Variants in DOCK1 observed in about 807,000 individuals in gnomAD.
DOCK1 encodes the protein dedicator of cytokinesis 1, also known as dedicator of cytokinesis protein 1.
Under a neutral mutation model 262.7 loss-of-function variants are expected in DOCK1, and 138 were observed. The ratio of observed to expected loss-of-function variants is 0.53; its 90% CI spans 0.46 to 0.61. The LOEUF (loss-of-function observed/expected upper bound fraction) is 0.61, where lower values mean the gene tolerates loss of function less well. Ranked by LOEUF, DOCK1 falls within the 20% of genes least tolerant of loss-of-function variation. DOCK1 has a pLI of 0.00. For synonymous variants in DOCK1, 866 were observed against 867.4 expected (o/e 1.00, Z 0.03); for missense variants, 1,908 against 2,370.7 (o/e 0.80, Z 4.05).
chr10:127,115,668 A>G (rs1259992597), intron 25 of DOCK1, among the ~76,000 whole-genome samples: 1 of 152,248 alleles, frequency 6.6e-6, no homozygotes, highest in African/African-American at 2.4e-5. Context: ...AAATTGTGTA[A>G]CATTAATGTT....
intron 29 of DOCK1, among the ~76,000 whole-genome samples, chr10:127,312,839 CT>C (rs138011530): frequency 0.12 from 17,740 of 151,314 alleles, 1,427 homozygotes; most frequent in African/African-American, 0.22. Context: ...CTCTCCCTCC[CT>C]TCCACTGAAC....
chr10:126,999,935 A>G (rs2040469483), intron 9 of DOCK1, among the ~76,000 whole-genome samples: 1 of 152,186 alleles, frequency 6.6e-6, no homozygotes, highest in Non-Finnish European at 1.5e-5. Flanking sequence ...TCGGCCTTCC[A>G]AAGTGCTGGG....
At chr10:127,203,315 A>G (rs2057555826) in intron 27 of DOCK1, among the ~76,000 whole-genome samples, 1 of 152,198 alleles carries the variant, frequency 6.6e-6, no homozygotes, top group Non-Finnish European at 1.5e-5. Context: ...CATAGTGGAC[A>G]GGATATGTGT....
At chr10:127,447,945 T>C (rs2070695561) in intron 51 of DOCK1, among the ~76,000 whole-genome samples, 1 of 152,200 alleles carries the variant, frequency 6.6e-6, no homozygotes. Flanking sequence ...TTGGCCAATA[T>C]CGCCCTGTAT....
At position 127,439,024 on chromosome 10, in the gene DOCK1, T is replaced by C; in HGVS notation, c.5061-3T>C. On this transcript the variant is annotated splice_polypyrimidine_tract_variant and splice_region_variant and intron_variant, in intron 48 of 51. Transcript: ENST00000623213. ...ATTAAGACGTCATTGACCTTTCCTT[T>C]AGGTTTGCCCTGGAGCCTCTCCTGC... 6.5e-7 allele frequency: 1 copy of C among 1,549,084 alleles called. No individual in the cohort carries two copies. The highest frequency in any genetic ancestry group is 1.2e-5 in the South Asian group (1 of 83,500).
chr10:126,991,260 A>C (rs995462505), intron 6 of DOCK1, among the ~76,000 whole-genome samples: 2 of 152,162 alleles, frequency 1.3e-5, no homozygotes, highest in African/African-American at 4.8e-5. Flanking sequence ...TTGATGCTGA[A>C]AGCAAACAAG....
rs111420082 is a variant in DOCK1, at chr10:126,978,128, T to C, written c.171+140T>C. The C allele has an allele frequency of 3.7e-5, 30 of 811,930 alleles. No homozygotes were observed. The African/African-American group carries it at 3.9e-4, about 11-fold the overall frequency. The allele number at this position is 811,930 out of a possible 1,614,324, so 50.3% of individuals were successfully genotyped here. A position where few individuals can be genotyped will look rare whatever the true frequency, so the allele number is the denominator to read the frequency against. On this transcript the variant is annotated intron_variant, in intron 3 of 51. Transcript: ENST00000623213. ...ATTTAAAAAAATATATGGGTAGGAA[T>C]GTGAACGAGCTTGGATTGTTTTCTT...
At chr10:127,066,552 C>T (rs1295570786) in intron 23 of DOCK1, among the ~76,000 whole-genome samples, 1 of 152,172 alleles carries the variant, frequency 6.6e-6, no homozygotes, top group Non-Finnish European at 1.5e-5. Context: ...AGGCAGCCCA[C>T]CTGGCTCTCC....
At chr10:127,189,646 A>G (rs555614145) in intron 27 of DOCK1, among the ~76,000 whole-genome samples, 85 of 152,360 alleles carry the variant, frequency 5.6e-4, no homozygotes, top group African/African-American at 1.9e-3. Flanking sequence ...AGTAATTGAG[A>G]AATGCAGTTA....
At chr10:127,276,477 AT>A (rs1397360458) in intron 29 of DOCK1, among the ~76,000 whole-genome samples, 8 of 152,076 alleles carry the variant, frequency 5.3e-5, no homozygotes, top group African/African-American at 1.9e-4. Flanking sequence ...GATTGTGGAA[AT>A]TCCTGGAAGA....
At chr10:127,263,993 C>T (rs1222299798) in intron 29 of DOCK1, among the ~76,000 whole-genome samples, 1 of 152,122 alleles carries the variant, frequency 6.6e-6, no homozygotes. Context: ...TCGAAGAAAC[C>T]GTTTCTTATT....
chr10:126,925,719 A>G (rs888450364), intron 1 of DOCK1, among the ~76,000 whole-genome samples: 2 of 134,686 alleles, frequency 1.5e-5, no homozygotes, highest in African/African-American at 5.7e-5. Context: ...CACACATTGC[A>G]GAGTCTGTGT....
chr10:126,922,406 T>C (rs1289281733), intron 1 of DOCK1, among the ~76,000 whole-genome samples: 2 of 152,032 alleles, frequency 1.3e-5, no homozygotes, highest in Non-Finnish European at 2.9e-5. Context: ...TGCCACACTC[T>C]AGTCCAGTCT....
intron 27 of DOCK1, among the ~76,000 whole-genome samples, chr10:127,219,940 C>T (rs2134425770): frequency 6.6e-6 from 1 of 152,238 alleles, no homozygotes; most frequent in African/African-American, 2.4e-5. Flanking sequence ...GCACCATTCA[C>T]AGGATAGTCT....
At chr10:127,269,683 G>A (rs1441786210) in intron 29 of DOCK1, among the ~76,000 whole-genome samples, 1 of 152,218 alleles carries the variant, frequency 6.6e-6, no homozygotes, top group East Asian at 1.9e-4. Context: ...GCAGTCCCCA[G>A]AGAGGATCCT....
At chr10:127,008,460 T>C (rs1312123295) in intron 10 of DOCK1, among the ~76,000 whole-genome samples, 2 of 152,228 alleles carry the variant, frequency 1.3e-5, no homozygotes, top group African/African-American at 4.8e-5. Flanking sequence ...CAGAAAGTTC[T>C]ATTGGACAGG....
intron 32 of DOCK1, among the ~76,000 whole-genome samples, chr10:127,360,616 A>T (rs2133915223): frequency 6.6e-6 from 1 of 152,342 alleles, no homozygotes; most frequent in Non-Finnish European, 1.5e-5. Flanking sequence ...GGATAAAACG[A>T]TGGAAAATGA....
At position 126,995,238 on chromosome 10, in the gene DOCK1, T is replaced by C. The variant is rs2040094335; in HGVS notation, c.474-1510T>C. Among the ~76,000 whole-genome samples, 1 of 150,116 alleles carries C rather than the reference T, an allele frequency of 6.7e-6. No homozygotes were observed. Among genetic ancestry groups the C allele is most frequent in the Non-Finnish European group, 1.5e-5 (1 of 67,498 alleles). On this transcript the variant is annotated intron_variant, in intron 6 of 51. Transcript: ENST00000623213. This position sits in a 1 kb window ranked among gnomAD's most constrained non-coding sequence, Gnocchi z 5.8. The stretch of plus-strand genomic sequence containing the variant: ...CACGCTCCTCACTTCCCAGACGGGG[T>C]GGCGGCCGGGCAGAGGCTGCAATCT...
intron 27 of DOCK1, among the ~76,000 whole-genome samples, chr10:127,242,519 C>T (rs1176443526): frequency 6.6e-6 from 1 of 152,146 alleles, no homozygotes; most frequent in African/African-American, 2.4e-5. Flanking sequence ...TAAAGAAGGA[C>T]TTGACTCTCA....
Sources: gnomAD v4.1 joint callset for allele counts (sites outside exome capture counted in the v4.1 genomes callset) on GRCh38, gnomAD v4.1.1 for gene constraint, Gnocchi (gnomAD v3.1) non-coding constraint, MANE v1.5 for transcripts, NCBI Gene and HGNC (gene_info 2026-07-23, HGNC 2026-07-21) for gene names.